NEDD4L: variants seen among roughly 807,000 people sequenced by gnomAD.
NEDD4L encodes the protein NEDD4 like E3 ubiquitin protein ligase, also known as E3 ubiquitin-protein ligase NEDD4-like.
NEDD4L carries 54 observed loss-of-function variants against 148.9 expected under a neutral mutation model. The ratio of observed to expected loss-of-function variants is 0.36; its 90% confidence interval spans 0.29 to 0.45. The LOEUF (loss-of-function observed/expected upper bound fraction) is 0.45, where lower values mean the gene tolerates loss of function less well. NEDD4L is among the 20% of genes least tolerant of loss of function. NEDD4L has a pLI of 1.00. For synonymous variants in NEDD4L, 433 were observed against 440.7 expected, an observed-to-expected ratio of 0.98 and a Z score of 0.22; for missense variants, 856 against 1,233.8, an observed-to-expected ratio of 0.69 and a Z score of 4.59.
intron 1 of NEDD4L, among the ~76,000 whole-genome samples, chr18:58,124,360 G>T (rs1377857587): frequency 6.6e-6 from 1 of 152,196 alleles, no homozygotes; most frequent in African/African-American, 2.4e-5. Flanking sequence ...CCCGATTTCT[G>T]TGTGGCATGT....
chr18:58,296,627 A>G (rs2055616758), intron 5 of NEDD4L, among the ~76,000 whole-genome samples: 1 of 152,082 alleles, frequency 6.6e-6, no homozygotes, highest in Non-Finnish European at 1.5e-5. Flanking sequence ...TCTCTCTTAC[A>G]AGGACACTTG....
At chr18:58,394,355 CCT>C (rs1280319846) in intron 30 of NEDD4L, among the ~76,000 whole-genome samples, 1 of 152,240 alleles carries the variant, frequency 6.6e-6, no homozygotes, top group Non-Finnish European at 1.5e-5. Flanking sequence ...CCCGTCTTTG[CCT>C]CTCTCTTCAT....
intron 24 of NEDD4L, among the ~76,000 whole-genome samples, chr18:58,375,072 T>C (rs1045104852): frequency 3.3e-4 from 50 of 152,058 alleles, no homozygotes; most frequent in African/African-American, 1.2e-3. Context: ...GTGCCACCAC[T>C]GTCCCCTCCC....
rs17062443 is a variant in NEDD4L, at chr18:58,308,904, G to A, written c.298-7078G>A. 0.012 allele frequency among the ~76,000 whole-genome samples: 1,810 copies of A among 152,278 alleles called. 120 individuals are homozygous for A. The East Asian group carries it at 0.19, about 16-fold the overall frequency. On this transcript the variant is annotated intron_variant, in intron 5 of 30. Transcript: ENST00000400345. ...GTACAAACACCTGCTGACAAGAAGC[G>A]TCCCTGAGCGGAACCCTTCTGCTGG...
At chr18:58,095,622 A>G (rs183495850) in intron 1 of NEDD4L, among the ~76,000 whole-genome samples, 64 of 152,346 alleles carry the variant, frequency 4.2e-4, no homozygotes, top group African/African-American at 1.4e-3. Flanking sequence ...CATTGGGGCC[A>G]TGGGCATTGA....
intron 2 of NEDD4L, among the ~76,000 whole-genome samples, chr18:58,198,673 G>A (rs569198225): frequency 1.2e-4 from 19 of 152,294 alleles, no homozygotes; most frequent in African/African-American, 4.3e-4. Context: ...AGGATGGAAA[G>A]GGTTAAGAAT....
chr18:58,359,711 TG>T (rs1415533037), intron 19 of NEDD4L, among the ~76,000 whole-genome samples: 1 of 152,198 alleles, frequency 6.6e-6, no homozygotes, highest in Non-Finnish European at 1.5e-5. Flanking sequence ...TCTTACTGTG[TG>T]GTCTGCTGAC....
At position 58,379,298 on chromosome 18, in the gene NEDD4L, G is replaced by A. The variant is rs375990192; in HGVS notation, c.2353-3948G>A. On this transcript the variant is annotated intron_variant, in intron 24 of 30. Transcript: ENST00000400345. ...TGTCCACCCTCATGACGGGGGCCAG[G>A]GCGCTGCCGCAGCACCTATAGGAGA... 6.6e-5 allele frequency among the ~76,000 whole-genome samples: 10 copies of A among 152,316 alleles called. No homozygotes were observed. In the East Asian group the frequency reaches 1.9e-3, roughly 29 times the overall value.
rs1156883318 is a variant in NEDD4L, at chr18:58,397,814, C to A, written c.*1545C>A. The A allele has an allele frequency of 6.6e-6, 1 of 152,616 alleles. No homozygotes were observed. Among genetic ancestry groups the A allele is most frequent in the Non-Finnish European group, 1.5e-5 (1 of 68,050 alleles). 9.5% of individuals were successfully genotyped at this position (152,616 alleles called of 1,614,324 possible). On this transcript the variant is annotated 3_prime_UTR_variant, in exon 31 of 31. Transcript: ENST00000400345. Reference sequence around the variant, plus strand: ...TGTGGGAGTTGAACGACCCTGCTGTCCTTTTTAACCTGTGTTGTCCTAGAC... The same window carrying A: ...TGTGGGAGTTGAACGACCCTGCTGTACTTTTTAACCTGTGTTGTCCTAGAC...
Position 58,256,816 on chromosome 18 carries a change from T to G in NEDD4L, c.297+4762T>G, listed in dbSNP as rs1330189663. The G allele has an allele frequency of 1.6e-6, 2 of 1,228,040 alleles. No homozygotes were observed. Among genetic ancestry groups the G allele is most frequent in the Admixed American group, 4.2e-5 (1 of 23,698 alleles). The allele number at this position is 1,228,040 out of a possible 1,614,324, so 76.1% of individuals were successfully genotyped here. A position where few individuals can be genotyped will look rare whatever the true frequency, so the allele number is the denominator to read the frequency against. On this transcript the variant is annotated intron_variant, in intron 5 of 30. Coordinates refer to ENST00000400345, the MANE Select transcript of NEDD4L (RefSeq NM_001144967.3). The surrounding 1 kb of genome is among the most constrained non-coding windows in gnomAD (Gnocchi z 5.2). The stretch of plus-strand genomic sequence containing the variant: ...TTTACATGTGTTTACTGATTTCAAC[T>G]TCGATGCTTACTCTGCGGCGTAACC...
intron 5 of NEDD4L, among the ~76,000 whole-genome samples, chr18:58,258,840 T>G (rs901022429): frequency 6.6e-6 from 1 of 152,220 alleles, no homozygotes; most frequent in African/African-American, 2.4e-5. Flanking sequence ...GCATTTCATA[T>G]GGACAGGGGT....
chr18:58,126,974 C>T (rs919257734), intron 1 of NEDD4L, among the ~76,000 whole-genome samples: 5 of 152,212 alleles, frequency 3.3e-5, no homozygotes, highest in South Asian at 4.1e-4. Flanking sequence ...AGAACCCTTG[C>T]GATTCTCTCT....
At chr18:58,285,566 C>T (rs1369023683) in intron 5 of NEDD4L, among the ~76,000 whole-genome samples, 4 of 152,112 alleles carry the variant, frequency 2.6e-5, no homozygotes. Context: ...TCAGGTTAGG[C>T]TTATTATCGT....
chr18:58,290,829 C>T (rs1247226779), intron 5 of NEDD4L, among the ~76,000 whole-genome samples: 1 of 152,040 alleles, frequency 6.6e-6, no homozygotes, highest in Non-Finnish European at 1.5e-5. Context: ...CCTATTTTTC[C>T]TCTGGATGTC....
At chr18:58,346,426 A>G (rs574077727) in intron 16 of NEDD4L, among the ~76,000 whole-genome samples, 1 of 152,342 alleles carries the variant, frequency 6.6e-6, no homozygotes, top group East Asian at 1.9e-4. Context: ...TGTTCAACGC[A>G]TATTAGTATA....
At chr18:58,113,326 G>A (rs1410531893) in intron 1 of NEDD4L, among the ~76,000 whole-genome samples, 3 of 152,180 alleles carry the variant, frequency 2.0e-5, no homozygotes, top group Non-Finnish European at 1.5e-5. Context: ...GGTCTAGTTG[G>A]GGAAATATAC....
intron 1 of NEDD4L, among the ~76,000 whole-genome samples, chr18:58,065,823 G>A (rs534308487): frequency 1.3e-5 from 2 of 152,244 alleles, no homozygotes; most frequent in Admixed American, 6.5e-5. Flanking sequence ...TTATTCCCTG[G>A]GAAAAAACGT....
chr18:58,135,620 C>T (rs2032753617), intron 1 of NEDD4L, among the ~76,000 whole-genome samples: 2 of 152,270 alleles, frequency 1.3e-5, no homozygotes, highest in East Asian at 1.9e-4. Context: ...TAACCTTTGG[C>T]ATACTTGGCC....
rs563580225 is a variant in NEDD4L, at chr18:58,290,758, T to G, written c.298-25224T>G. Among the ~76,000 whole-genome samples the G allele has an allele frequency of 2.0e-5, 3 of 152,168 alleles. No individual in the cohort carries two copies. In the East Asian group the frequency reaches 5.8e-4, roughly 29 times the overall value. The stretch of plus-strand genomic sequence containing the variant: ...TTTTTAATGAAAAGAAACTGTTCAT[T>G]TATGCAGACATACAACTTTGTGTCC... On this transcript the variant is annotated intron_variant, in intron 5 of 30. Transcript: ENST00000400345.
Sources: gnomAD v4.1 joint callset for allele counts (sites outside exome capture counted in the v4.1 genomes callset) on GRCh38, gnomAD v4.1.1 for gene constraint, Gnocchi (gnomAD v3.1) non-coding constraint, MANE v1.5 for transcripts, NCBI Gene and HGNC (gene_info 2026-07-23, HGNC 2026-07-21) for gene names.